The following FGGY variants were observed in gnomAD, a reference collection of about 807,000 sequenced individuals.
FGGY encodes FGGY carbohydrate kinase domain-containing protein.
Under a neutral mutation model 71.3 loss-of-function variants are expected in FGGY, and 72 were observed. The observed-to-expected ratio is 1.01, with a 90% CI of 0.84 to 1.23. The LOEUF is 1.23. FGGY is among the 50% of genes most tolerant of loss of function. The probability of loss-of-function intolerance (pLI) is 0.00; values close to 1 mark genes in which losing one functional copy is unlikely to be tolerated. For missense variants in FGGY, 668 were observed against 682.3 expected (o/e 0.98, Z 0.23); for synonymous variants, 251 against 250.3 (o/e 1.00, Z -0.02).
chr1:59,538,093 G>A lies in FGGY; in HGVS notation c.800-16031G>A, dbSNP rs1035886709. On this transcript the variant is annotated intron_variant, in intron 7 of 15. Transcript: ENST00000303721. ...AAATGGGAGAAAATTTTCACAACCT[G>A]CTCATCTGACAAAGGGCTAATATCC... is the stretch of plus-strand genomic sequence containing the variant. Among the ~76,000 whole-genome samples the A allele has an allele frequency of 1.5e-3, 227 of 151,706 alleles. 1 individual carries two copies. The highest frequency in any genetic ancestry group is 2.9e-3 in the Non-Finnish European group (197 of 67,808).
At chr1:59,724,010 A>G (rs2097918977) in intron 14 of FGGY, among the ~76,000 whole-genome samples, 1 of 151,906 alleles carries the variant, frequency 6.6e-6, no homozygotes, top group African/African-American at 2.4e-5. Context: ...TAGAAATGCA[A>G]AAATTAGCCA....
chr1:59,534,887 G>C (rs1212424625), intron 7 of FGGY, among the ~76,000 whole-genome samples: 8 of 151,984 alleles, frequency 5.3e-5, no homozygotes, highest in Admixed American at 5.2e-4. Context: ...ATGCCAAAAT[G>C]TAAAGACCAT....
chr1:59,516,017 G>A (rs535017789), intron 7 of FGGY, among the ~76,000 whole-genome samples: 19 of 152,312 alleles, frequency 1.2e-4, no homozygotes, highest in African/African-American at 4.6e-4. Context: ...GCACAGGAAG[G>A]TGATAGTCCA....
intron 5 of FGGY, among the ~76,000 whole-genome samples, chr1:59,392,691 TTAC>T (rs908792085): frequency 1.3e-5 from 2 of 152,186 alleles, no homozygotes; most frequent in African/African-American, 4.8e-5. Context: ...TTTTTCTCCT[TTAC>T]TACTTCTATT....
intron 5 of FGGY, among the ~76,000 whole-genome samples, chr1:59,403,613 G>C (rs2062286364): frequency 6.6e-6 from 1 of 152,180 alleles, no homozygotes; most frequent in Non-Finnish European, 1.5e-5. Context: ...CCTGGCAAAA[G>C]GACAGCATAT....
chr1:59,366,671 T>C (rs542031333), intron 4 of FGGY, among the ~76,000 whole-genome samples: 115 of 152,316 alleles, frequency 7.6e-4, no homozygotes, highest in Admixed American at 3.9e-3. Flanking sequence ...TAGATTTTCT[T>C]ATATCTCCCA....
intron 5 of FGGY, among the ~76,000 whole-genome samples, chr1:59,426,973 G>A (rs1254703767): frequency 6.6e-6 from 1 of 152,074 alleles, no homozygotes; most frequent in Admixed American, 6.6e-5. Context: ...TTTTTCAGAG[G>A]CCAAGCATGC....
intron 5 of FGGY, among the ~76,000 whole-genome samples, chr1:59,442,010 T>G (rs887545102): frequency 2.6e-5 from 4 of 152,186 alleles, no homozygotes; most frequent in Non-Finnish European, 4.4e-5. Context: ...TCCTTAATAT[T>G]CCCAGGTAGA....
chr1:59,426,425 G>C (rs950419263), intron 5 of FGGY, among the ~76,000 whole-genome samples: 3 of 152,112 alleles, frequency 2.0e-5, no homozygotes, highest in African/African-American at 7.2e-5. Flanking sequence ...GAGTCAAGGA[G>C]GATGAATGAA....
At chr1:59,419,058 A>C (rs1488097549) in intron 5 of FGGY, among the ~76,000 whole-genome samples, 1 of 152,174 alleles carries the variant, frequency 6.6e-6, no homozygotes, top group Non-Finnish European at 1.5e-5. Flanking sequence ...GCTGTAGAGA[A>C]GGCTAGGAAT....
rs1208955824 is a variant in FGGY, at chr1:59,650,382, G to A, written c.1222-9837G>A. ...TTGGCTGTGAATCCGTCTGGTCCTG[G>A]ACTTTTTATGGTTGGTAAGCTATTA... On this transcript the variant is annotated intron_variant, in intron 11 of 15. Coordinates refer to ENST00000303721, the MANE Select transcript of FGGY (RefSeq NM_018291.5). 2.7e-4 allele frequency among the ~76,000 whole-genome samples: 33 copies of A among 124,102 alleles called. No individual in the cohort carries two copies. In the East Asian group the frequency reaches 4.0e-3, roughly 15 times the overall value. 81.4% of individuals were successfully genotyped at this position (124,102 alleles called of 152,430 possible). A position where few individuals can be genotyped will look rare whatever the true frequency, so the allele number is the denominator to read the frequency against.
chr1:59,685,865 G>C (rs1202919459), intron 14 of FGGY, among the ~76,000 whole-genome samples: 1 of 152,196 alleles, frequency 6.6e-6, no homozygotes, highest in Middle Eastern at 3.2e-3. Context: ...CAATCCCCTA[G>C]GGGGTTACTT....
intron 9 of FGGY, among the ~76,000 whole-genome samples, chr1:59,623,673 A>G (rs1007194616): frequency 1.4e-4 from 22 of 151,834 alleles, no homozygotes; most frequent in Admixed American, 1.3e-4. Flanking sequence ...TCCAAACTCT[A>G]CCTATTTATG....
At chr1:59,612,949 A>C (rs1342012798) in intron 9 of FGGY, among the ~76,000 whole-genome samples, 1 of 152,238 alleles carries the variant, frequency 6.6e-6, no homozygotes, top group Non-Finnish European at 1.5e-5. Flanking sequence ...AGAGCTAACC[A>C]TCCTAAATAT....
chr1:59,734,156 T>TTTTATTTA (rs1244584802), intron 14 of FGGY, among the ~76,000 whole-genome samples: 1 of 152,220 alleles, frequency 6.6e-6, no homozygotes, highest in Non-Finnish European at 1.5e-5. Flanking sequence ...TTCTTTTTCT[T>TTTTATTTA]TTTATTTATT....
intron 8 of FGGY, among the ~76,000 whole-genome samples, chr1:59,599,409 A>G (rs1406796141): frequency 1.3e-5 from 2 of 151,986 alleles, no homozygotes; most frequent in Non-Finnish European, 2.9e-5. Flanking sequence ...ATGAATAAGT[A>G]AGTGGCTGGG....
intron 7 of FGGY, among the ~76,000 whole-genome samples, chr1:59,536,171 C>G (rs1356215071): frequency 1.3e-5 from 2 of 151,748 alleles, no homozygotes; most frequent in South Asian, 2.1e-4. Context: ...CACAGAAATA[C>G]AAACTACCAT....
intron 3 of FGGY, among the ~76,000 whole-genome samples, chr1:59,344,517 A>G (rs2051375744): frequency 6.6e-6 from 1 of 152,082 alleles, no homozygotes; most frequent in Non-Finnish European, 1.5e-5. Flanking sequence ...TCTTAAACAC[A>G]TTGTTTTTGT....
intron 13 of FGGY, among the ~76,000 whole-genome samples, chr1:59,671,940 C>T (rs1458549076): frequency 2.6e-5 from 4 of 152,110 alleles, no homozygotes; most frequent in East Asian, 1.9e-4. Context: ...ATCTCTGGTT[C>T]GCAAGGGGAG....
Sources: allele counts gnomAD v4.1 joint callset (sites outside exome capture counted in the v4.1 genomes callset), GRCh38; gene constraint gnomAD v4.1.1; transcripts MANE v1.5; gene names NCBI Gene and HGNC (gene_info 2026-07-23, HGNC 2026-07-21).